Variants in TCERG1L observed in about 807,000 individuals in gnomAD.
TCERG1L encodes transcription elongation regulator 1-like protein.
TCERG1L carries 37 observed loss-of-function variants against 56.3 expected under a neutral mutation model. That is an observed-to-expected ratio of 0.66 (90% CI 0.51 to 0.87). The LOEUF (loss-of-function observed/expected upper bound fraction) is 0.87, where lower values mean the gene tolerates loss of function less well. Among genes scored for constraint, TCERG1L ranks in the 40% least tolerant of loss-of-function variants. TCERG1L has a pLI of 0.00. For missense variants in TCERG1L, 799 were observed against 774.2 expected (o/e 1.03, Z -0.38); for synonymous variants, 324 against 326.3 (o/e 0.99, Z 0.08).
intron 4 of TCERG1L, among the ~76,000 whole-genome samples, chr10:131,237,905 C>T (rs1463839854): frequency 2.0e-5 from 3 of 152,238 alleles, no homozygotes; most frequent in Non-Finnish European, 4.4e-5. Context: ...TTGTGTGCTC[C>T]TTGCTTCGGC....
intron 4 of TCERG1L, among the ~76,000 whole-genome samples, chr10:131,221,250 C>T (rs1200787133): frequency 6.6e-6 from 1 of 152,204 alleles, no homozygotes; most frequent in Non-Finnish European, 1.5e-5. Flanking sequence ...GGGTGGGAGG[C>T]CCCTGGCCGT....
At chr10:131,163,260 C>A in intron 5 of TCERG1L, 50 bp from the exon 6 acceptor site, 1 of 1,378,436 alleles carries the variant, frequency 7.3e-7, no homozygotes, top group Non-Finnish European at 9.7e-7. Flanking sequence ...AAACACTCAT[C>A]TTCAATTACA....
intron 4 of TCERG1L, among the ~76,000 whole-genome samples, chr10:131,220,167 C>A (rs1845714647): frequency 6.6e-6 from 1 of 152,202 alleles, no homozygotes; most frequent in Admixed American, 6.5e-5. Flanking sequence ...CTGTTCCCTG[C>A]CATGCGAAGG....
intron 4 of TCERG1L, among the ~76,000 whole-genome samples, chr10:131,258,171 G>T (rs943102741): frequency 6.6e-6 from 1 of 152,142 alleles, no homozygotes; most frequent in Admixed American, 6.5e-5. Flanking sequence ...AAATTTCCTA[G>T]GGGGCTGCCT....
chr10:131,270,431 G>T (rs1310534880), intron 3 of TCERG1L, among the ~76,000 whole-genome samples: 1 of 152,212 alleles, frequency 6.6e-6, no homozygotes, highest in Non-Finnish European at 1.5e-5. Flanking sequence ...GATAAGACAG[G>T]TCCAGCCAAA....
intron 8 of TCERG1L, among the ~76,000 whole-genome samples, chr10:131,120,156 T>C (rs1845499009): frequency 6.6e-6 from 1 of 151,220 alleles, no homozygotes; most frequent in African/African-American, 2.4e-5. Flanking sequence ...TAATGATTCG[T>C]GTGTGTGTGT....
chr10:131,184,970 G>A (rs1367865822), intron 4 of TCERG1L, among the ~76,000 whole-genome samples: 1 of 152,150 alleles, frequency 6.6e-6, no homozygotes, highest in Non-Finnish European at 1.5e-5. Context: ...GGTTAGCTGG[G>A]ATTACTGTAG....
chr10:131,214,311 G>A (rs1357925967), intron 4 of TCERG1L, among the ~76,000 whole-genome samples: 2 of 151,234 alleles, frequency 1.3e-5, no homozygotes, highest in Non-Finnish European at 3.0e-5. Context: ...AGGGAGTCTG[G>A]ATGGGCCACA....
chr10:131,285,095 C>G (rs554939971), intron 3 of TCERG1L, among the ~76,000 whole-genome samples: 1 of 152,182 alleles, frequency 6.6e-6, no homozygotes, highest in Admixed American at 6.5e-5. Context: ...GAAAATGAAG[C>G]AGCCAGTCGC....
At chr10:131,198,227 A>T (rs1845388706) in intron 4 of TCERG1L, among the ~76,000 whole-genome samples, 1 of 152,240 alleles carries the variant, frequency 6.6e-6, no homozygotes, top group African/African-American at 2.4e-5. Flanking sequence ...TGTACGTGGC[A>T]TCATCAAGTC....
At chr10:131,131,634 C>T (rs1421718780) in intron 8 of TCERG1L, among the ~76,000 whole-genome samples, 1 of 152,190 alleles carries the variant, frequency 6.6e-6, no homozygotes, top group Non-Finnish European at 1.5e-5. Context: ...GAATCACTGT[C>T]ACAATCGATT....
intron 10 of TCERG1L, among the ~76,000 whole-genome samples, chr10:131,102,537 C>A (rs1256608768): frequency 6.6e-6 from 1 of 152,208 alleles, no homozygotes; most frequent in Non-Finnish European, 1.5e-5. Flanking sequence ...TACCCTCCGT[C>A]TGGGGCTTTA....
At chr10:131,230,190 C>G (rs1342870380) in intron 4 of TCERG1L, among the ~76,000 whole-genome samples, 1 of 152,162 alleles carries the variant, frequency 6.6e-6, no homozygotes, top group Non-Finnish European at 1.5e-5. Flanking sequence ...TCCCCCAGGA[C>G]AGCAGACGCC....
chr10:131,234,315 T>C (rs1564821975), intron 4 of TCERG1L, among the ~76,000 whole-genome samples: 2 of 152,260 alleles, frequency 1.3e-5, no homozygotes, highest in Admixed American at 1.3e-4. Flanking sequence ...CATAGTAAGA[T>C]AGGCTAATTT....
intron 6 of TCERG1L, among the ~76,000 whole-genome samples, chr10:131,147,202 G>T (rs923266416): frequency 2.0e-5 from 3 of 152,082 alleles, no homozygotes; most frequent in Admixed American, 2.0e-4. Flanking sequence ...ATTTGTGGAT[G>T]GGCAAATAAG....
intron 7 of TCERG1L, among the ~76,000 whole-genome samples, chr10:131,140,863 C>T (rs966999327): frequency 2.0e-5 from 3 of 152,184 alleles, no homozygotes; most frequent in Non-Finnish European, 1.5e-5. Flanking sequence ...GTGGAGGTGC[C>T]GCCTGCACTG....
chr10:131,285,221 T>A (rs1846508844), intron 3 of TCERG1L, among the ~76,000 whole-genome samples: 1 of 151,668 alleles, frequency 6.6e-6, no homozygotes, highest in African/African-American at 2.4e-5. Context: ...CTACTAAAAA[T>A]ACAAAAATTA....
At chr10:131,281,928 A>G (rs978243217) in intron 3 of TCERG1L, among the ~76,000 whole-genome samples, 1 of 152,058 alleles carries the variant, frequency 6.6e-6, no homozygotes, top group African/African-American at 2.4e-5. Flanking sequence ...CGAGGTCAGG[A>G]GATCGAGACC....
rs556875401 is a variant in TCERG1L at position 131,134,238 on chromosome 10, C to T, written c.1259+141G>A. 21 of 781,552 alleles carry T rather than the reference C, an allele frequency of 2.7e-5. No homozygotes were observed. The East Asian group carries it at 4.7e-4, about 17-fold the overall frequency. 48.4% of individuals were successfully genotyped at this position (781,552 alleles called of 1,614,324 possible). On this transcript the variant is annotated intron_variant, in intron 8 of 11. Coordinates refer to ENST00000368642, the MANE Select transcript of TCERG1L (RefSeq NM_174937.4). ...TGCCCAGGACACTGCTAAGACAGAA[C>T]CTGAAACCTCTTACCATCTGTCTAG...
Sources: allele counts gnomAD v4.1 joint callset (sites outside exome capture counted in the v4.1 genomes callset), GRCh38; gene constraint gnomAD v4.1.1; transcripts MANE v1.5; gene names NCBI Gene and HGNC (gene_info 2026-07-23, HGNC 2026-07-21).